Variants in FBXW7 observed in about 807,000 individuals in gnomAD.
FBXW7 encodes the protein F-box/WD repeat-containing protein 7.
Under a neutral mutation model 86.3 loss-of-function variants are expected in FBXW7, and 11 were observed. That is an observed-to-expected ratio of 0.13 (90% CI 0.08 to 0.21). The LOEUF is 0.21. Among genes scored for constraint, FBXW7 ranks in the 10% least tolerant of loss-of-function variants. FBXW7 has a pLI of 1.00. For synonymous variants in FBXW7, 313 were observed against 297.9 expected (o/e 1.05, Z -0.52); for missense variants, 488 against 847.4 (o/e 0.58, Z 5.27).
At chr4:152,471,419 AAAAG>A (rs1743950014) in intron 2 of FBXW7, among the ~76,000 whole-genome samples, 1 of 113,102 alleles carries the variant, frequency 8.8e-6, no homozygotes, top group South Asian at 3.7e-4. Context: ...GAAGGAAGGA[AAAAG>A]GGAAGGAAGG....
intron 2 of FBXW7, among the ~76,000 whole-genome samples, chr4:152,467,476 T>C (rs893601252): frequency 1.3e-5 from 2 of 152,156 alleles, no homozygotes; most frequent in African/African-American, 4.8e-5. Context: ...ATAACATCTA[T>C]TAAGGATGGC....
intron 2 of FBXW7, among the ~76,000 whole-genome samples, chr4:152,511,780 C>G (rs1268660152): frequency 6.6e-6 from 1 of 152,112 alleles, no homozygotes. Context: ...ATGTATACTA[C>G]GCTTTTCTCT....
At chr4:152,434,438 CT>C (rs1740194574) in intron 2 of FBXW7, among the ~76,000 whole-genome samples, 1 of 152,186 alleles carries the variant, frequency 6.6e-6, no homozygotes, top group Non-Finnish European at 1.5e-5. Flanking sequence ...CCTTCTACTT[CT>C]TATAATGTAT....
chr4:152,498,057 G>A (rs1746535617), intron 2 of FBXW7, among the ~76,000 whole-genome samples: 1 of 152,178 alleles, frequency 6.6e-6, no homozygotes, highest in Admixed American at 6.5e-5. Context: ...GAAAAGTATG[G>A]GGAGGGAAGA....
chr4:152,493,434 G>C (rs569377430), intron 2 of FBXW7, among the ~76,000 whole-genome samples: 5 of 152,170 alleles, frequency 3.3e-5, no homozygotes, highest in East Asian at 3.9e-4. Flanking sequence ...CAAAGTGTTG[G>C]GATTACAGGT....
intron 2 of FBXW7, among the ~76,000 whole-genome samples, chr4:152,492,118 T>G (rs1745914397): frequency 6.6e-6 from 1 of 152,190 alleles, no homozygotes; most frequent in African/African-American, 2.4e-5. Flanking sequence ...GCTTTGCCTC[T>G]TCTAGAACTT....
intron 2 of FBXW7, among the ~76,000 whole-genome samples, chr4:152,527,075 T>C (rs2149740656): frequency 6.6e-6 from 1 of 152,358 alleles, no homozygotes; most frequent in Middle Eastern, 3.4e-3. Context: ...ATGGGTCAAA[T>C]GCTATATGCC....
chr4:152,489,431 C>A (rs898049916), intron 2 of FBXW7: 2 of 152,550 alleles, frequency 1.3e-5, no homozygotes, highest in Admixed American at 6.6e-5. Flanking sequence ...AAATGGTAGG[C>A]TTCCAAGCCT....
At chr4:152,336,072 T>C (rs1356692977) in intron 7 of FBXW7, among the ~76,000 whole-genome samples, 1 of 152,182 alleles carries the variant, frequency 6.6e-6, no homozygotes, top group East Asian at 1.9e-4. Context: ...TCTGAGAAGA[T>C]AATGTTTTCT....
At chr4:152,438,196 T>A (rs902750519) in intron 2 of FBXW7, among the ~76,000 whole-genome samples, 1 of 152,134 alleles carries the variant, frequency 6.6e-6, no homozygotes, top group Non-Finnish European at 1.5e-5. Flanking sequence ...TAGTAAAGTA[T>A]TTTTTAGTTA....
At chr4:152,467,586 G>C (rs1397987645) in intron 2 of FBXW7, among the ~76,000 whole-genome samples, 2 of 152,142 alleles carry the variant, frequency 1.3e-5, no homozygotes, top group Non-Finnish European at 2.9e-5. Context: ...TAACACATGG[G>C]ATCAAAACGT....
At chr4:152,356,893 C>G (rs562969372) in intron 4 of FBXW7, among the ~76,000 whole-genome samples, 1 of 152,220 alleles carries the variant, frequency 6.6e-6, no homozygotes, top group African/African-American at 2.4e-5. Context: ...TGTTTAGCAC[C>G]TACTTTGTGT....
chr4:152,385,888 A>C (rs1039814056), intron 4 of FBXW7, among the ~76,000 whole-genome samples: 1 of 152,088 alleles, frequency 6.6e-6, no homozygotes, highest in Non-Finnish European at 1.5e-5. Flanking sequence ...TGATTGGGCA[A>C]AGTGAGTACT....
At chr4:152,465,405 G>A (rs1169854064) in intron 2 of FBXW7, among the ~76,000 whole-genome samples, 1 of 152,106 alleles carries the variant, frequency 6.6e-6, no homozygotes, top group East Asian at 1.9e-4. Flanking sequence ...AACAATTGGA[G>A]GTAGCTCTCA....
chr4:152,508,112 A>T (rs1031545814), intron 2 of FBXW7, among the ~76,000 whole-genome samples: 1 of 151,994 alleles, frequency 6.6e-6, no homozygotes, highest in Non-Finnish European at 1.5e-5. Flanking sequence ...AATGATGGAG[A>T]CATGTCAAAA....
chr4:152,358,985 G>A (rs1052191131), intron 4 of FBXW7, among the ~76,000 whole-genome samples: 2 of 152,094 alleles, frequency 1.3e-5, no homozygotes, highest in African/African-American at 2.4e-5. Context: ...GCTAAAACAC[G>A]AGACATTGTT....
At chr4:152,522,068 G>C (rs956115132) in intron 2 of FBXW7, among the ~76,000 whole-genome samples, 1 of 152,044 alleles carries the variant, frequency 6.6e-6, no homozygotes, top group Non-Finnish European at 1.5e-5. Flanking sequence ...CTAAGTTAAA[G>C]AGCCCTTGAC....
rs184283140 is a variant in FBXW7 at position 152,470,742 on chromosome 4, T to C, written c.-119-58213A>G. ...CTAAATAATATTTATGAAGCTCTTC[T>C]TGTCTGCCAGGCAATTTACTCTGTA... On this transcript the variant is annotated intron_variant, in intron 2 of 13. Transcript: ENST00000281708. Among the ~76,000 whole-genome samples, 12 of 152,230 alleles carry C rather than the reference T, an allele frequency of 7.9e-5. No homozygotes were observed. The East Asian group carries it at 2.1e-3, about 27-fold the overall frequency.
chr4:152,465,406 G>A (rs949860878), intron 2 of FBXW7, among the ~76,000 whole-genome samples: 2 of 152,138 alleles, frequency 1.3e-5, no homozygotes, highest in Non-Finnish European at 2.9e-5. Flanking sequence ...ACAATTGGAG[G>A]TAGCTCTCAA....
Sources: gnomAD v4.1 joint callset for allele counts (sites outside exome capture counted in the v4.1 genomes callset) on GRCh38, gnomAD v4.1.1 for gene constraint, MANE v1.5 for transcripts, NCBI Gene and HGNC (gene_info 2026-07-23, HGNC 2026-07-21) for gene names.